Variants in KLHDC10 observed in about 807,000 individuals in gnomAD.
KLHDC10 encodes kelch domain-containing protein 10.
Under a neutral mutation model 56.1 loss-of-function variants are expected in KLHDC10, and 24 were observed. The observed-to-expected ratio is 0.43, with a 90% CI of 0.31 to 0.60. The LOEUF (loss-of-function observed/expected upper bound fraction) is 0.60, where lower values mean the gene tolerates loss of function less well. Among genes scored for constraint, KLHDC10 ranks in the 20% least tolerant of loss-of-function variants. The pLI is 0.11. For synonymous variants in KLHDC10, 188 were observed against 207.1 expected (o/e 0.91, Z 0.79); for missense variants, 349 against 567.0 (o/e 0.62, Z 3.91).
chr7:130,107,708 G>C (rs1305577303), intron 2 of KLHDC10, among the ~76,000 whole-genome samples: 3 of 151,676 alleles, frequency 2.0e-5, no homozygotes, highest in Non-Finnish European at 4.4e-5. Context: ...GCCGGGCGTC[G>C]TGGTGCACGC....
Position 130,070,714 on chromosome 7 carries a change from G to A in KLHDC10, c.71G>A (p.Gly24Asp). ...GGGAAGAGGGGSGAGGGSGGS... is the reference protein window; with the variant it reads ...GGGAAGAGGGDSGAGGGSGGS... ...GGCGCCGCCGGCGCTGGTGGCGGAGGTAGCGGGGCCGGCGGGGGCAGTGGG... is the reference window on the plus strand; with the variant it reads ...GGCGCCGCCGGCGCTGGTGGCGGAGATAGCGGGGCCGGCGGGGGCAGTGGG... Residue 24 changes from glycine to aspartate, a missense_variant, in exon 1 of 10, where the codon GGT (glycine) becomes GAT (aspartate). Physicochemically the swap from Gly to Asp is moderately conservative, Grantham distance 94 (BLOSUM62 -1). Coordinates refer to ENST00000335420, the MANE Select transcript of KLHDC10 (RefSeq NM_014997.4). 1 of 1,289,470 alleles carries A rather than the reference G, an allele frequency of 7.8e-7. No homozygotes were observed. The highest frequency in any genetic ancestry group is 9.9e-7 in the Non-Finnish European group (1 of 1,014,048). 79.9% of individuals were successfully genotyped at this position (1,289,470 alleles called of 1,614,324 possible). A position where few individuals can be genotyped will look rare whatever the true frequency, so the allele number is the denominator to read the frequency against.
intron 8 of KLHDC10, among the ~76,000 whole-genome samples, chr7:130,127,953 A>T (rs1796334709): frequency 6.6e-6 from 1 of 152,260 alleles, no homozygotes; most frequent in Non-Finnish European, 1.5e-5. Flanking sequence ...AGCTACTTTA[A>T]CTAAATGTGA....
chr7:130,076,646 G>A (rs1399446579), intron 1 of KLHDC10, among the ~76,000 whole-genome samples: 5 of 152,074 alleles, frequency 3.3e-5, no homozygotes, highest in African/African-American at 4.8e-5. Flanking sequence ...ATAAAGTGTC[G>A]AGGTGGGAAT....
intron 1 of KLHDC10, among the ~76,000 whole-genome samples, chr7:130,072,350 A>G (rs1039596689): frequency 1.3e-5 from 2 of 152,190 alleles, no homozygotes; most frequent in Non-Finnish European, 2.9e-5. Context: ...AGTGGAAGCC[A>G]TGATTTCTGC....
At chr7:130,074,918 T>TG (rs1217490571) in intron 1 of KLHDC10, among the ~76,000 whole-genome samples, 9 of 152,176 alleles carry the variant, frequency 5.9e-5, no homozygotes, top group Non-Finnish European at 1.3e-4. Context: ...CAAAATCAGG[T>TG]TCTTTAATGT....
At chr7:130,089,282 C>T (rs1461078989) in intron 1 of KLHDC10, among the ~76,000 whole-genome samples, 3 of 151,972 alleles carry the variant, frequency 2.0e-5, no homozygotes, top group South Asian at 2.1e-4. Flanking sequence ...GGTGAAACCC[C>T]GGCCCCATCT....
intron 2 of KLHDC10, among the ~76,000 whole-genome samples, chr7:130,114,132 TTTTTAGGTACTAACTG>T: frequency 6.6e-6 from 1 of 152,298 alleles, no homozygotes; most frequent in East Asian, 1.9e-4. Context: ...TTAGTACCTG[TTTTTAGGTACTAACTG>T]TTTTAGGTGT....
intron 1 of KLHDC10, among the ~76,000 whole-genome samples, chr7:130,093,135 TAGTA>T (rs1275675100): frequency 6.6e-6 from 1 of 151,990 alleles, no homozygotes; most frequent in Non-Finnish European, 1.5e-5. Context: ...GAAGTAAACA[TAGTA>T]AGAAAGAGAA....
At chr7:130,115,733 A>AG (rs1377196373) in intron 2 of KLHDC10, among the ~76,000 whole-genome samples, 1 of 151,542 alleles carries the variant, frequency 6.6e-6, no homozygotes, top group African/African-American at 2.4e-5. Context: ...AAAAAAAAAA[A>AG]AAGTTGATAT....
chr7:130,134,244 C>G lies in KLHDC10; in HGVS notation c.*3498C>G, dbSNP rs1397772080. On this transcript the variant is annotated 3_prime_UTR_variant, in exon 10 of 10. Coordinates refer to ENST00000335420, the MANE Select transcript of KLHDC10 (RefSeq NM_014997.4). ...TAGGTAGAAAAGGAAAAGGAATAATCAGTAGGAGCTGACAACCAGTGACCA... is the reference window on the plus strand; with the variant it reads ...TAGGTAGAAAAGGAAAAGGAATAATGAGTAGGAGCTGACAACCAGTGACCA... The G allele has an allele frequency of 6.6e-6, 1 of 152,156 alleles. No homozygotes were observed. The highest frequency in any genetic ancestry group is 1.5e-5 in the Non-Finnish European group (1 of 68,038). 9.4% of individuals were successfully genotyped at this position (152,156 alleles called of 1,614,324 possible).
At chr7:130,123,855 C>T (rs1796281790) in intron 5 of KLHDC10, among the ~76,000 whole-genome samples, 1 of 152,148 alleles carries the variant, frequency 6.6e-6, no homozygotes, top group Admixed American at 6.5e-5. Flanking sequence ...ATTATTTTAG[C>T]TTTTAGCTAG....
chr7:130,097,382 G>T (rs1186961518), intron 2 of KLHDC10, among the ~76,000 whole-genome samples: 1 of 151,732 alleles, frequency 6.6e-6, no homozygotes, highest in Non-Finnish European at 1.5e-5. Context: ...TTATGTAATG[G>T]TATAAAATAA....
intron 1 of KLHDC10, among the ~76,000 whole-genome samples, chr7:130,079,134 T>C (rs1324142062): frequency 6.6e-6 from 1 of 152,038 alleles, no homozygotes; most frequent in African/African-American, 2.4e-5. Flanking sequence ...CTTGGCCCTC[T>C]GCAACATCCG....
chr7:130,082,882 T>C (rs1163280227), intron 1 of KLHDC10, among the ~76,000 whole-genome samples: 1 of 152,234 alleles, frequency 6.6e-6, no homozygotes. Flanking sequence ...CATAATTAAC[T>C]AAAGTTCCTG....
chr7:130,077,580 G>A (rs1315495544), intron 1 of KLHDC10, among the ~76,000 whole-genome samples: 1 of 132,526 alleles, frequency 7.5e-6, no homozygotes, highest in African/African-American at 2.9e-5. Flanking sequence ...TTTTGAGACG[G>A]AGTCTTGCTC....
intron 2 of KLHDC10, among the ~76,000 whole-genome samples, chr7:130,099,492 G>A (rs1329933768): frequency 2.6e-5 from 4 of 152,200 alleles, no homozygotes; most frequent in African/African-American, 2.4e-5. Flanking sequence ...CTTGGCTGAA[G>A]GAGGGTGACA....
intron 1 of KLHDC10, among the ~76,000 whole-genome samples, chr7:130,089,131 TA>T (rs1288471936): frequency 6.6e-6 from 1 of 152,004 alleles, no homozygotes; most frequent in Non-Finnish European, 1.5e-5. Flanking sequence ...AAAAAACATA[TA>T]TTTTAAAATG....
At chr7:130,088,991 A>G (rs1795732577) in intron 1 of KLHDC10, among the ~76,000 whole-genome samples, 1 of 152,104 alleles carries the variant, frequency 6.6e-6, no homozygotes, top group African/African-American at 2.4e-5. Flanking sequence ...GATGATACTC[A>G]ATTAAGAAAA....
intron 4 of KLHDC10, 21 bp from the exon 5 acceptor site, chr7:130,122,033 T>C (rs769127898): frequency 1.2e-6 from 2 of 1,605,146 alleles, no homozygotes; most frequent in Non-Finnish European, 1.7e-6. Context: ...TCGGTCTTAT[T>C]CACCTTTCCT....
Sources: gnomAD v4.1 joint callset for allele counts (sites outside exome capture counted in the v4.1 genomes callset) on GRCh38, gnomAD v4.1.1 for gene constraint, MANE v1.5 for transcripts, NCBI Gene and HGNC (gene_info 2026-07-23, HGNC 2026-07-21) for gene names.